FAM107B: variants seen among roughly 807,000 people sequenced by gnomAD.
FAM107B encodes protein FAM107B.
A neutral mutation model predicts 31.5 loss-of-function variants in FAM107B; 21 were observed. That is an observed-to-expected ratio of 0.67 (90% CI 0.47 to 0.96). The LOEUF (loss-of-function observed/expected upper bound fraction) is 0.96, where lower values mean the gene tolerates loss of function less well. Among genes scored for constraint, FAM107B ranks in the 40% least tolerant of loss-of-function variants. The pLI, the probability that FAM107B is intolerant of heterozygous loss-of-function variation, is 0.00. For synonymous variants in FAM107B, 157 were observed against 141.5 expected (o/e 1.11, Z -0.78); for missense variants, 452 against 377.1 (o/e 1.20, Z -1.64).
intron 1 of FAM107B, among the ~76,000 whole-genome samples, 164 bp from the exon 2 acceptor site, chr10:14,667,855 A>T: frequency 6.7e-6 from 1 of 148,704 alleles, no homozygotes; most frequent in Non-Finnish European, 1.5e-5. Flanking sequence ...ACTACAAATC[A>T]ACAATAAATG....
intron 1 of FAM107B, among the ~76,000 whole-genome samples, chr10:14,738,206 C>G (rs1472354128): frequency 6.6e-6 from 1 of 152,160 alleles, no homozygotes; most frequent in Non-Finnish European, 1.5e-5. Flanking sequence ...GGATTGGAAT[C>G]CAAATCCGCA....
chr10:14,606,659 C>T (rs1272271641), intron 2 of FAM107B, among the ~76,000 whole-genome samples: 1 of 152,054 alleles, frequency 6.6e-6, no homozygotes, highest in Admixed American at 6.6e-5. Context: ...TATAAGGAGG[C>T]AGAGACACCA....
In FAM107B at chr10:14,581,582, G is replaced by C. The variant is rs115655406; in HGVS notation, c.470-51067C>G. Among the ~76,000 whole-genome samples, 454 of 152,364 alleles carry C rather than the reference G, an allele frequency of 3.0e-3. 1 individual carries two copies. Among genetic ancestry groups the C allele is most frequent in the African/African-American group, 0.01 (422 of 41,586 alleles). ...CTAATTCTGGCTGCCATCACCGGCA[G>C]GTGTCCACACCAGGAGCAGTTTTAA... is the stretch of plus-strand genomic sequence containing the variant. On this transcript the variant is annotated intron_variant, in intron 2 of 4. Transcript: ENST00000181796.
intron 1 of FAM107B, among the ~76,000 whole-genome samples, chr10:14,668,360 G>C (rs1854461665): frequency 6.6e-6 from 1 of 152,034 alleles, no homozygotes. Flanking sequence ...TCATAAAATA[G>C]AAATGCCACC....
chr10:14,666,867 A>G (rs902574223), intron 2 of FAM107B, among the ~76,000 whole-genome samples: 6 of 152,142 alleles, frequency 3.9e-5, no homozygotes, highest in Admixed American at 1.3e-4. Context: ...CCCACTTTGC[A>G]TACTCTTTTC....
intron 1 of FAM107B, among the ~76,000 whole-genome samples, chr10:14,671,111 C>G (rs573362918): frequency 4.3e-4 from 66 of 152,276 alleles, no homozygotes; most frequent in African/African-American, 1.5e-3. Context: ...CTGTGGTTTT[C>G]TGTGCTCCGT....
At chr10:14,710,575 T>C (rs1855623203) in intron 1 of FAM107B, among the ~76,000 whole-genome samples, 1 of 152,116 alleles carries the variant, frequency 6.6e-6, no homozygotes, top group Non-Finnish European at 1.5e-5. Flanking sequence ...ATGGATGCCA[T>C]TCACAACAGT....
At position 14,667,624 on chromosome 10, in the gene FAM107B, T is replaced by A. The variant is rs763421208; in HGVS notation, c.469+10A>T. The A allele has an allele frequency of 3.1e-6, 5 of 1,613,850 alleles. No homozygotes were observed. Among genetic ancestry groups the A allele is most frequent in the Non-Finnish European group, 4.2e-6 (5 of 1,179,928 alleles). On this transcript the variant is annotated intron_variant, in intron 2 of 4. Coordinates refer to ENST00000181796, the MANE Select transcript of FAM107B (RefSeq NM_031453.4). The stretch of plus-strand genomic sequence containing the variant: ...AGCCTGGAAAAGGAATCACACAGAA[T>A]GTACTCTACCTGATGTCATTTTCTG...
chr10:14,768,610 C>T (rs1833233938), intron 1 of FAM107B, among the ~76,000 whole-genome samples: 1 of 152,138 alleles, frequency 6.6e-6, no homozygotes, highest in South Asian at 2.1e-4. Flanking sequence ...ATGGTGGCAC[C>T]ACAATGTGAA....
At chr10:14,528,734 A>G (rs1210641523) in intron 3 of FAM107B, among the ~76,000 whole-genome samples, 2 of 152,224 alleles carry the variant, frequency 1.3e-5, no homozygotes, top group Non-Finnish European at 2.9e-5. Flanking sequence ...AGACAAAGAC[A>G]GACAGAATGG....
At chr10:14,667,215 C>T (rs993868182) in intron 2 of FAM107B, among the ~76,000 whole-genome samples, 5 of 152,086 alleles carry the variant, frequency 3.3e-5, no homozygotes, top group African/African-American at 1.2e-4. Flanking sequence ...ATCACTTTAG[C>T]GAAGCTGCAT....
chr10:14,706,696 C>T (rs1360298228), intron 1 of FAM107B, among the ~76,000 whole-genome samples: 1 of 152,208 alleles, frequency 6.6e-6, no homozygotes, highest in Non-Finnish European at 1.5e-5. Context: ...CCCTTCCCCT[C>T]TTCAAAGAGT....
intron 1 of FAM107B, among the ~76,000 whole-genome samples, chr10:14,773,596 CTG>C (rs534592525): frequency 6.6e-6 from 1 of 152,332 alleles, no homozygotes; most frequent in African/African-American, 2.4e-5. Flanking sequence ...TTAAAATTCA[CTG>C]ATGCCAAAAA....
chr10:14,647,092 C>G (rs766367417), intron 2 of FAM107B, among the ~76,000 whole-genome samples: 1 of 152,076 alleles, frequency 6.6e-6, no homozygotes, highest in Non-Finnish European at 1.5e-5. Context: ...CTGTGCCCGG[C>G]TCCATTTTCT....
chr10:14,690,017 GGA>G, intron 1 of FAM107B, among the ~76,000 whole-genome samples: 5 of 133,232 alleles, frequency 3.8e-5, no homozygotes, highest in African/African-American at 1.4e-4. Flanking sequence ...AAGGAAGGAA[GGA>G]AGGAAGGGAG....
At chr10:14,724,651 C>G (rs957504643) in intron 1 of FAM107B, among the ~76,000 whole-genome samples, 9 of 151,904 alleles carry the variant, frequency 5.9e-5, no homozygotes, top group Non-Finnish European at 1.2e-4. Flanking sequence ...AGAGCGTTCC[C>G]TAGGATGAGA....
chr10:14,686,318 G>A (rs923943073), intron 1 of FAM107B, among the ~76,000 whole-genome samples: 1 of 151,928 alleles, frequency 6.6e-6, no homozygotes, highest in African/African-American at 2.4e-5. Flanking sequence ...GAACCCAGGA[G>A]GCGGAGATTG....
At chr10:14,681,301 G>A (rs1031999011) in intron 1 of FAM107B, among the ~76,000 whole-genome samples, 8 of 152,158 alleles carry the variant, frequency 5.3e-5, no homozygotes, top group South Asian at 2.1e-4. Flanking sequence ...GAGAATCACC[G>A]TTGCAAAGGA....
intron 2 of FAM107B, among the ~76,000 whole-genome samples, chr10:14,594,166 T>A (rs1179516077): frequency 1.3e-5 from 2 of 152,158 alleles, no homozygotes; most frequent in Non-Finnish European, 2.9e-5. Context: ...TAAGACACTA[T>A]CATCTCCATA....
Sources: gnomAD v4.1 joint callset for allele counts (sites outside exome capture counted in the v4.1 genomes callset) on GRCh38, gnomAD v4.1.1 for gene constraint, MANE v1.5 for transcripts, NCBI Gene and HGNC (gene_info 2026-07-23, HGNC 2026-07-21) for gene names.